The following KCNMA1 variants were observed in gnomAD, a reference collection of about 807,000 sequenced individuals.
KCNMA1 encodes Calcium-activated potassium channel subunit alpha-1.
Under a neutral mutation model 140.0 loss-of-function variants are expected in KCNMA1, and 29 were observed. The observed-to-expected ratio is 0.21, with a 90% CI of 0.15 to 0.28. The LOEUF is 0.28. KCNMA1 is among the 10% of genes least tolerant of loss of function. The pLI is 1.00. For missense variants in KCNMA1, 880 were observed against 1,602.2 expected, an observed-to-expected ratio of 0.55 and a Z score of 7.70; for synonymous variants, 612 against 611.9, an observed-to-expected ratio of 1.00 and a Z score of 0.00.
chr10:77,237,006 G>C (rs2055735199), intron 3 of KCNMA1, among the ~76,000 whole-genome samples: 1 of 152,138 alleles, frequency 6.6e-6, no homozygotes, highest in Non-Finnish European at 1.5e-5. Context: ...TGAGATTGCA[G>C]TTTTCAGAAG....
chr10:77,313,954 G>C (rs578042612), intron 2 of KCNMA1: 1 of 152,274 alleles, frequency 6.6e-6, no homozygotes, highest in South Asian at 2.1e-4. Context: ...CAACCTATTA[G>C]TGGACCATGA....
At chr10:77,479,531 C>T (rs1424421675) in intron 1 of KCNMA1, among the ~76,000 whole-genome samples, 1 of 152,180 alleles carries the variant, frequency 6.6e-6, no homozygotes, top group Non-Finnish European at 1.5e-5. Flanking sequence ...AATTAACTAT[C>T]ACAGTGAGGT....
At chr10:77,030,184 G>C (rs1344705887) in intron 15 of KCNMA1, among the ~76,000 whole-genome samples, 1 of 152,134 alleles carries the variant, frequency 6.6e-6, no homozygotes, top group East Asian at 1.9e-4. Context: ...GTGATTTGCA[G>C]GTTTTCTGAT....
chr10:76,983,420 C>T (rs998762041), intron 19 of KCNMA1, among the ~76,000 whole-genome samples: 26 of 152,114 alleles, frequency 1.7e-4, no homozygotes, highest in African/African-American at 2.2e-4. Context: ...AAGTTCTTTA[C>T]GGCCTGATAG....
intron 14 of KCNMA1, among the ~76,000 whole-genome samples, chr10:77,054,211 G>A (rs918351962): frequency 6.6e-6 from 1 of 152,066 alleles, no homozygotes; most frequent in African/African-American, 2.4e-5. Context: ...AGTTGTTCTT[G>A]CCTCTCTAGC....
intron 20 of KCNMA1, among the ~76,000 whole-genome samples, chr10:76,967,980 C>A (rs570466812): frequency 5.3e-5 from 8 of 152,184 alleles, no homozygotes; most frequent in Non-Finnish European, 1.0e-4. Flanking sequence ...AAACCCACAG[C>A]CAATCTGTTG....
chr10:77,105,058 G>C (rs2097173346), intron 9 of KCNMA1, among the ~76,000 whole-genome samples: 2 of 152,268 alleles, frequency 1.3e-5, no homozygotes, highest in Admixed American at 1.3e-4. Flanking sequence ...ACCTGCCTCA[G>C]CTACTCACTG....
intron 14 of KCNMA1, among the ~76,000 whole-genome samples, chr10:77,061,108 G>A (rs2095730212): frequency 1.3e-5 from 2 of 152,122 alleles, no homozygotes; most frequent in South Asian, 4.1e-4. Flanking sequence ...TTTATCTTGG[G>A]TAGATATCTA....
At chr10:77,080,630 A>T (rs901865468) in intron 12 of KCNMA1, among the ~76,000 whole-genome samples, 7 of 152,118 alleles carry the variant, frequency 4.6e-5, no homozygotes, top group Middle Eastern at 3.2e-3. Context: ...AATGCATTGG[A>T]GATGGGATGT....
At chr10:77,592,097 C>T (rs1005595090) in intron 1 of KCNMA1, among the ~76,000 whole-genome samples, 3 of 152,066 alleles carry the variant, frequency 2.0e-5, no homozygotes, top group Admixed American at 6.6e-5. Flanking sequence ...AATCCTTGCT[C>T]GGAGGGAGCA....
chr10:77,577,510 A>C (rs1381805309), intron 1 of KCNMA1, among the ~76,000 whole-genome samples: 1 of 152,226 alleles, frequency 6.6e-6, no homozygotes, highest in African/African-American at 2.4e-5. Flanking sequence ...AGGCCATTTC[A>C]TATGGTAATA....
intron 9 of KCNMA1, among the ~76,000 whole-genome samples, chr10:77,100,908 CT>C (rs138924864): frequency 5.3e-5 from 8 of 151,196 alleles, no homozygotes; most frequent in East Asian, 3.9e-4. Flanking sequence ...TTGAATACGA[CT>C]TTTTTTTTAA....
chr10:77,427,847 C>A (rs546103284), intron 1 of KCNMA1, among the ~76,000 whole-genome samples: 1 of 151,848 alleles, frequency 6.6e-6, no homozygotes, highest in Non-Finnish European at 1.5e-5. Context: ...CCACCTCCCA[C>A]GTTCAAGCAA....
At chr10:77,586,901 C>T (rs2077409095) in intron 1 of KCNMA1, 1 of 152,182 alleles carries the variant, frequency 6.6e-6, no homozygotes, top group Admixed American at 6.5e-5. Context: ...CACTCTCTTT[C>T]CATTACATAC....
intron 3 of KCNMA1, among the ~76,000 whole-genome samples, chr10:77,200,781 C>T (rs1335636897): frequency 1.3e-5 from 2 of 152,118 alleles, no homozygotes; most frequent in African/African-American, 4.8e-5. Context: ...TAGACACATG[C>T]CAACAATTAT....
intron 16 of KCNMA1, among the ~76,000 whole-genome samples, chr10:77,022,374 T>C (rs1294502914): frequency 1.3e-5 from 2 of 152,204 alleles, no homozygotes; most frequent in East Asian, 1.9e-4. Context: ...AGGTGGACTT[T>C]CCCTCATTTC....
chr10:76,972,161 G>A (rs182347229), intron 19 of KCNMA1, among the ~76,000 whole-genome samples: 7 of 152,312 alleles, frequency 4.6e-5, no homozygotes, highest in Non-Finnish European at 1.0e-4. Context: ...CAAATAACAC[G>A]TGTGTGTTTG....
chr10:76,887,349 G>A lies in KCNMA1; in HGVS notation c.3628C>T (p.Pro1210Ser). ...SKKSSSVHSI[P>S]STANRQNRPK... is the part of the protein sequence containing the mutation. ...CGGTTCTGTCGGTTTGCTGTGGATG[G>A]GATGGAGTGAACAGAGGAGCTCTTC... Residue 1210 changes from proline (P) to serine (S), a missense_variant, in exon 28 of 28, where the codon CCA becomes TCA. Pro to Ser is a moderately conservative substitution (Grantham distance 74). This residue lies in a region of KCNMA1 where 115 missense variants were observed against 139.9 expected (regional missense o/e 0.82). Transcript: ENST00000286628. The A allele has an allele frequency of 6.2e-7, 1 of 1,614,106 alleles. No homozygotes were observed. Among genetic ancestry groups the A allele is most frequent in the Non-Finnish European group, 8.5e-7 (1 of 1,180,012 alleles).
chr10:77,508,838 C>T (rs577442668), intron 1 of KCNMA1, among the ~76,000 whole-genome samples: 4 of 152,230 alleles, frequency 2.6e-5, no homozygotes, highest in South Asian at 2.1e-4. Context: ...CACCACCATT[C>T]GCTTTTTGTC....
Sources: allele counts gnomAD v4.1 joint callset (sites outside exome capture counted in the v4.1 genomes callset), GRCh38; gene constraint gnomAD v4.1.1; regional missense constraint gnomAD v4.1.1; transcripts MANE v1.5; gene names NCBI Gene and HGNC (gene_info 2026-07-23, HGNC 2026-07-21).